NEAT1: variants seen among roughly 807,000 people sequenced by gnomAD.
The protein encoded by NEAT1 is nuclear paraspeckle assembly transcript 1, also known as MENepsilon/beta.
At chr11:65,443,488 T>C (rs1429083061) in exon 1 of NEAT1, 1 of 152,232 alleles carries the variant, frequency 6.6e-6, no homozygotes, top group Non-Finnish European at 1.5e-5. Context: ...TTTTACACTG[T>C]TGTGATTGGT....
exon 1 of NEAT1, chr11:65,444,447 G>C (rs914385210): frequency 4.2e-6 from 2 of 472,158 alleles, no homozygotes; most frequent in Admixed American, 2.4e-5. Context: ...AGTCCTCTCT[G>C]AGCCTCTGCT....
chr11:65,424,678 C>G (rs1856542617), exon 1 of NEAT1: 2 of 152,214 alleles, frequency 1.3e-5, no homozygotes, highest in South Asian at 4.1e-4. Context: ...TTGGTCATTC[C>G]TAAATCTGTG....
At chr11:65,444,797 A>G (rs1317644324) in exon 1 of NEAT1, 1 of 258,370 alleles carries the variant, frequency 3.9e-6, no homozygotes, top group Non-Finnish European at 7.8e-6. Context: ...TGTGCTTCCG[A>G]CTTCATTTCG....
exon 1 of NEAT1, chr11:65,442,902 T>G (rs1424184613): frequency 1.3e-5 from 2 of 152,228 alleles, no homozygotes; most frequent in Non-Finnish European, 2.9e-5. Flanking sequence ...AGACTTTATC[T>G]TATTTCCTAT....
At chr11:65,444,471 CT>C in exon 1 of NEAT1, 1 of 473,794 alleles carries the variant, frequency 2.1e-6, no homozygotes, top group Non-Finnish European at 4.4e-6. Context: ...CATCTGGACC[CT>C]GCTGGGCAGG....
exon 1 of NEAT1, chr11:65,444,518 C>A (rs1209901430): frequency 4.0e-6 from 2 of 494,810 alleles, no homozygotes; most frequent in South Asian, 3.0e-5. Flanking sequence ...GGAGGGGCTC[C>A]AGGGGCCCTC....
chr11:65,425,703 T>A (rs1476198366), exon 1 of NEAT1: 1 of 152,114 alleles, frequency 6.6e-6, no homozygotes, highest in African/African-American at 2.4e-5. Context: ...GAAGTGAAAT[T>A]GCATTGAATT....
exon 1 of NEAT1, chr11:65,423,636 C>G (rs565000235): frequency 2.0e-5 from 3 of 152,446 alleles, no homozygotes; most frequent in East Asian, 1.9e-4. Flanking sequence ...GGTGGCAGTG[C>G]TCCTTTTGGA....
chr11:65,424,042 A>G (rs988070597), exon 1 of NEAT1: 1 of 152,114 alleles, frequency 6.6e-6, no homozygotes, highest in Non-Finnish European at 1.5e-5. Flanking sequence ...AGGAGGGGAG[A>G]CCCTGGAGGA....
At chr11:65,434,136 A>G (rs943671927) in exon 1 of NEAT1, 1 of 152,194 alleles carries the variant, frequency 6.6e-6, no homozygotes, top group African/African-American at 2.4e-5. Context: ...AGAGCTCATC[A>G]TGTGACTATA....
exon 1 of NEAT1, chr11:65,434,151 A>G (rs1856637236): frequency 6.6e-6 from 1 of 151,866 alleles, no homozygotes; most frequent in Non-Finnish European, 1.5e-5. Flanking sequence ...ACTATACCTC[A>G]GTTAGTTTAT....
chr11:65,435,620 T>C (rs2134900769), exon 1 of NEAT1: 1 of 152,298 alleles, frequency 6.6e-6, no homozygotes, highest in South Asian at 2.1e-4. Context: ...TCTGTAGGTG[T>C]CTTCACCTGC....
exon 1 of NEAT1, chr11:65,441,270 G>A (rs1590676004): frequency 1.3e-5 from 2 of 152,188 alleles, no homozygotes; most frequent in South Asian, 2.1e-4. Context: ...GGAGGGTCTT[G>A]TAACACCAGC....
chr11:65,425,468 CGCAGCAGATCA>C (rs1263096287), exon 1 of NEAT1: 1 of 152,108 alleles, frequency 6.6e-6, no homozygotes, highest in Non-Finnish European at 1.5e-5. Flanking sequence ...GACTTGCATA[CGCAGCAGATCA>C]GCATCCTTCG....
At chr11:65,441,225 G>A (rs1397978694) in exon 1 of NEAT1, 1 of 152,308 alleles carries the variant, frequency 6.6e-6, no homozygotes, top group South Asian at 2.1e-4. Context: ...ATCTAGACAA[G>A]TTCCCAACCC....
At chr11:65,425,940 T>C (rs1282794635) in exon 1 of NEAT1, 2 of 152,150 alleles carry the variant, frequency 1.3e-5, no homozygotes, top group African/African-American at 2.4e-5. Context: ...TATTTTTAAT[T>C]TGAATGTTTG....
exon 1 of NEAT1, chr11:65,429,289 G>A (rs1856591869): frequency 6.6e-6 from 1 of 152,182 alleles, no homozygotes. Context: ...GCCCAGCAGG[G>A]AGGGATTTTT....
chr11:65,443,555 G>A (rs1045464811), exon 1 of NEAT1: 2 of 152,200 alleles, frequency 1.3e-5, no homozygotes, highest in African/African-American at 4.8e-5. Context: ...GTTGTGGTTG[G>A]GGTCCTCTGG....
At chr11:65,431,703 T>C (rs560752742) in exon 1 of NEAT1, 1 of 152,354 alleles carries the variant, frequency 6.6e-6, no homozygotes, top group South Asian at 2.1e-4. Flanking sequence ...GTCATTTGTA[T>C]GTTGTCTTTG....
Sources: allele counts gnomAD v4.1 joint callset, GRCh38; gene constraint gnomAD v4.1.1; transcripts MANE v1.5; gene names NCBI Gene and HGNC (gene_info 2026-07-23, HGNC 2026-07-21).